Variants in HDAC8 observed in about 807,000 individuals in gnomAD.
HDAC8 encodes histone deacetylase-like 1.
HDAC8 carries 1 observed loss-of-function variant against 32.2 expected under a neutral mutation model. The observed-to-expected ratio is 0.03, with a 90% CI of 0.01 to 0.15. The LOEUF (loss-of-function observed/expected upper bound fraction) is 0.15, where lower values mean the gene tolerates loss of function less well. HDAC8 is among the 10% of genes least tolerant of loss of function. The pLI is 1.00. For synonymous variants in HDAC8, 108 were observed against 113.9 expected, an observed-to-expected ratio of 0.95 and a Z score of 0.33; for missense variants, 117 against 300.0, an observed-to-expected ratio of 0.39 and a Z score of 4.51.
intron 9 of HDAC8, among the ~76,000 whole-genome samples, chrX:72,435,659 G>A (rs782402878): frequency 8.9e-6 from 1 of 111,990 alleles, no homozygotes; most frequent in South Asian, 3.8e-4. Flanking sequence ...GAAGAATGGA[G>A]ATGACACAGA....
intron 10 of HDAC8, among the ~76,000 whole-genome samples, chrX:72,350,576 G>A (rs1288537929): frequency 8.9e-6 from 1 of 111,885 alleles, no homozygotes; most frequent in African/African-American, 3.3e-5. Flanking sequence ...GTCCAGGTTA[G>A]GCAAAAAGAT....
chrX:72,404,929 C>T (rs1451344490), intron 9 of HDAC8, among the ~76,000 whole-genome samples: 3 of 110,684 alleles, frequency 2.7e-5, no homozygotes, highest in Admixed American at 9.7e-5. Context: ...GAAGATTCAG[C>T]CATGGTTTAC....
chrX:72,530,141 G>T (rs966185301), intron 4 of HDAC8, among the ~76,000 whole-genome samples: 65 of 112,023 alleles, frequency 5.8e-4, no homozygotes, highest in Non-Finnish European at 1.0e-3. Flanking sequence ...GTGGAAAATA[G>T]CCTAAAAGCC....
At chrX:72,530,471 A>C (rs782131334) in intron 4 of HDAC8, among the ~76,000 whole-genome samples, 1 of 102,449 alleles carries the variant, frequency 9.8e-6, no homozygotes, top group South Asian at 4.5e-4. Flanking sequence ...TGGTTACAGC[A>C]TATATCTCAG....
chrX:72,335,155 A>G (rs1012713540), intron 10 of HDAC8, among the ~76,000 whole-genome samples: 4 of 112,264 alleles, frequency 3.6e-5, no homozygotes, highest in Non-Finnish European at 7.5e-5. Flanking sequence ...AGTGTGATAC[A>G]TTTATTATAG....
At chrX:72,529,189 A>G (rs2050252043) in intron 4 of HDAC8, among the ~76,000 whole-genome samples, 1 of 112,378 alleles carries the variant, frequency 8.9e-6, no homozygotes, top group Non-Finnish European at 1.9e-5. Context: ...AGTGGACCCT[A>G]AAGATACCCA....
intron 4 of HDAC8, among the ~76,000 whole-genome samples, chrX:72,509,920 G>A (rs1483444454): frequency 9.0e-6 from 1 of 111,107 alleles, no homozygotes; most frequent in African/African-American, 3.3e-5. Context: ...GTTTGCCTCT[G>A]TCTCCTTTGC....
intron 9 of HDAC8, among the ~76,000 whole-genome samples, chrX:72,459,163 C>G (rs1307213240): frequency 9.0e-6 from 1 of 111,720 alleles, no homozygotes; most frequent in Admixed American, 9.5e-5. Flanking sequence ...TGTTCTGTCA[C>G]CTTTATTAGA....
intron 4 of HDAC8, among the ~76,000 whole-genome samples, chrX:72,503,715 A>G (rs183306618): frequency 6.2e-5 from 7 of 112,347 alleles, no homozygotes; most frequent in African/African-American, 2.3e-4. Flanking sequence ...TCATGATTAG[A>G]AACATTGGTA....
chrX:72,501,157 G>A (rs1556015918), intron 4 of HDAC8, among the ~76,000 whole-genome samples: 1 of 111,959 alleles, frequency 8.9e-6, no homozygotes, highest in Non-Finnish European at 1.9e-5. Context: ...CATGCTCATG[G>A]ATAGGAGGAA....
intron 9 of HDAC8, among the ~76,000 whole-genome samples, chrX:72,435,795 C>T (rs1379225930): frequency 9.0e-6 from 1 of 110,751 alleles, no homozygotes; most frequent in African/African-American, 3.3e-5. Context: ...TGGTGAAATC[C>T]TGTCTCTACT....
chrX:72,339,240 A>T (rs374701939), intron 10 of HDAC8, among the ~76,000 whole-genome samples: 1 of 111,799 alleles, frequency 8.9e-6, no homozygotes, highest in East Asian at 2.8e-4. Context: ...AATCTGGTCC[A>T]TTTTTCTGTC....
At chrX:72,439,727 A>C (rs782372919) in intron 9 of HDAC8, among the ~76,000 whole-genome samples, 14 of 110,993 alleles carry the variant, frequency 1.3e-4, no homozygotes, top group African/African-American at 4.6e-4. Flanking sequence ...AAGACAAAGA[A>C]GGGCATTACA....
At chrX:72,515,075 T>A (rs113689910) in intron 4 of HDAC8, among the ~76,000 whole-genome samples, 1 of 111,167 alleles carries the variant, frequency 9.0e-6, no homozygotes, top group African/African-American at 3.3e-5. Context: ...TAAGATCTAC[T>A]CTCTTGGCAG....
chrX:72,554,291 C>T (rs1436968331), intron 4 of HDAC8, among the ~76,000 whole-genome samples: 1 of 110,779 alleles, frequency 9.0e-6, no homozygotes, highest in Non-Finnish European at 1.9e-5. Flanking sequence ...CCTAAAACTA[C>T]CCCAGGAACA....
chrX:72,493,359 T>C (rs1467438519), intron 5 of HDAC8, among the ~76,000 whole-genome samples: 1 of 111,578 alleles, frequency 9.0e-6, no homozygotes, highest in African/African-American at 3.3e-5. Context: ...AAGACCACTG[T>C]TTTTCAAAGT....
chrX:72,386,969 C>T (rs1332661615), intron 9 of HDAC8, among the ~76,000 whole-genome samples: 1 of 112,318 alleles, frequency 8.9e-6, no homozygotes, highest in East Asian at 2.8e-4. Context: ...TGAGGGGCTC[C>T]ACTCTGGAGC....
intron 9 of HDAC8, among the ~76,000 whole-genome samples, chrX:72,449,388 T>G (rs2047512013): frequency 9.1e-6 from 1 of 110,431 alleles, no homozygotes; most frequent in African/African-American, 3.3e-5. Flanking sequence ...TGAGAACACA[T>G]GGACACAGGG....
intron 10 of HDAC8, 74 bp from the exon 11 acceptor site, chrX:72,330,150 T>A: frequency 1.1e-6 from 1 of 887,480 alleles, no homozygotes. Flanking sequence ...AGCTATTTTT[T>A]AAAAAGCACT....
Sources: gnomAD v4.1 joint callset for allele counts (sites outside exome capture counted in the v4.1 genomes callset) on GRCh38, gnomAD v4.1.1 for gene constraint, MANE v1.5 for transcripts, NCBI Gene and HGNC (gene_info 2026-07-23, HGNC 2026-07-21) for gene names.